The following DENND1A variants were observed in gnomAD, a reference collection of about 807,000 sequenced individuals.
DENND1A encodes DENN domain containing 1A.
A neutral mutation model predicts 113.7 loss-of-function variants in DENND1A; 51 were observed. The observed-to-expected ratio is 0.45, with a 90% CI of 0.36 to 0.57. The LOEUF (loss-of-function observed/expected upper bound fraction) is 0.57, where lower values mean the gene tolerates loss of function less well. Ranked by LOEUF, DENND1A falls within the 20% of genes least tolerant of loss-of-function variation. DENND1A has a pLI of 0.00. For synonymous variants in DENND1A, 565 were observed against 570.8 expected (o/e 0.99, Z 0.14); for missense variants, 1,258 against 1,395.9 (o/e 0.90, Z 1.57).
intron 18 of DENND1A, among the ~76,000 whole-genome samples, chr9:123,441,962 A>C (rs2132398224): frequency 6.6e-6 from 1 of 152,314 alleles, no homozygotes; most frequent in South Asian, 2.1e-4. Context: ...ATTATGCATT[A>C]AGGAAGAAAC....
At chr9:123,770,694 A>AT (rs1311015421) in intron 3 of DENND1A, among the ~76,000 whole-genome samples, 2 of 152,204 alleles carry the variant, frequency 1.3e-5, no homozygotes, top group African/African-American at 4.8e-5. Context: ...TGAAGAACAC[A>AT]TTTTTCAGTC....
At chr9:123,385,481 C>A (rs2042515184) in intron 22 of DENND1A, among the ~76,000 whole-genome samples, 1 of 152,230 alleles carries the variant, frequency 6.6e-6, no homozygotes, top group Admixed American at 6.5e-5. Context: ...CCTCTTCTAA[C>A]CCCAAGTCTG....
intron 1 of DENND1A, among the ~76,000 whole-genome samples, chr9:123,899,286 C>T (rs1446481760): frequency 6.6e-6 from 1 of 152,174 alleles, no homozygotes; most frequent in African/African-American, 2.4e-5. Flanking sequence ...AATGCCAGTT[C>T]TCCCTCCTGA....
At chr9:123,685,437 C>T (rs2064749384) in intron 5 of DENND1A, among the ~76,000 whole-genome samples, 1 of 152,168 alleles carries the variant, frequency 6.6e-6, no homozygotes, top group African/African-American at 2.4e-5. Flanking sequence ...AATATATGTA[C>T]TGAATGAGTA....
chr9:123,577,420 T>C (rs2058688679), intron 12 of DENND1A, among the ~76,000 whole-genome samples: 1 of 152,222 alleles, frequency 6.6e-6, no homozygotes, highest in Non-Finnish European at 1.5e-5. Flanking sequence ...TACTTTAAAG[T>C]CTTTATCTGC....
intron 2 of DENND1A, among the ~76,000 whole-genome samples, chr9:123,842,787 CT>C (rs1842015781): frequency 6.6e-6 from 1 of 152,134 alleles, no homozygotes; most frequent in African/African-American, 2.4e-5. Context: ...CAGTATTATG[CT>C]GATACCAAAA....
At chr9:123,628,780 C>T (rs903774924) in intron 10 of DENND1A, among the ~76,000 whole-genome samples, 1 of 152,234 alleles carries the variant, frequency 6.6e-6, no homozygotes, top group African/African-American at 2.4e-5. Context: ...TGGGGTTCAG[C>T]CATTGATGAA....
intron 13 of DENND1A, among the ~76,000 whole-genome samples, chr9:123,464,311 T>C (rs2048762681): frequency 6.6e-6 from 1 of 152,164 alleles, no homozygotes; most frequent in Non-Finnish European, 1.5e-5. Context: ...TCTACTCACA[T>C]CAGCCAAAAG....
At chr9:123,776,113 A>G (rs1384694557) in intron 3 of DENND1A, among the ~76,000 whole-genome samples, 3 of 152,216 alleles carry the variant, frequency 2.0e-5, no homozygotes, top group African/African-American at 7.2e-5. Flanking sequence ...TTCTAATTGT[A>G]AAAGATAAAT....
chr9:123,487,307 G>C (rs2808394), intron 13 of DENND1A, among the ~76,000 whole-genome samples: 150,677 of 152,310 alleles, frequency 0.99, 74,554 homozygotes, highest in Middle Eastern at 1. Flanking sequence ...TCAAGGGAAG[G>C]CAAGCCAGGG....
chr9:123,601,684 T>C (rs2059941010), intron 11 of DENND1A, among the ~76,000 whole-genome samples: 1 of 152,240 alleles, frequency 6.6e-6, no homozygotes, highest in Non-Finnish European at 1.5e-5. Flanking sequence ...GGAAAATGAA[T>C]GTTTGGCATA....
At chr9:123,567,981 TA>T (rs138932254) in intron 12 of DENND1A, among the ~76,000 whole-genome samples, 1 of 152,182 alleles carries the variant, frequency 6.6e-6, no homozygotes, top group African/African-American at 2.4e-5. Flanking sequence ...AAAGCAAAAC[TA>T]AAACTATTCC....
chr9:123,687,197 A>C (rs148725210), intron 5 of DENND1A, among the ~76,000 whole-genome samples: 1 of 152,260 alleles, frequency 6.6e-6, no homozygotes, highest in East Asian at 1.9e-4. Flanking sequence ...ATGTTTTAGG[A>C]GGCAGAGTTT....
At chr9:123,878,896 T>C (rs1432179172) in intron 2 of DENND1A, 55 bp downstream of exon 2, 5 of 1,559,218 alleles carry the variant, frequency 3.2e-6, no homozygotes, top group Admixed American at 1.7e-5. Flanking sequence ...CTCACGTGCA[T>C]AGCTATCTCA....
At chr9:123,699,916 TC>T (rs953999364) in intron 5 of DENND1A, among the ~76,000 whole-genome samples, 6 of 152,184 alleles carry the variant, frequency 3.9e-5, no homozygotes, top group African/African-American at 1.4e-4. Context: ...CAGGCTGGTC[TC>T]AAACTCCCAA....
At chr9:123,843,586 C>A in intron 2 of DENND1A, 1 of 202,644 alleles carries the variant, frequency 4.9e-6, no homozygotes, top group East Asian at 1.5e-4. Context: ...TGGCCCATCT[C>A]CTATATGCTT....
chr9:123,460,121 G>C lies in DENND1A; in HGVS notation c.994-2224C>G, dbSNP rs528748915. On this transcript the variant is annotated intron_variant, in intron 13 of 23. Transcript: ENST00000394215. ...AAAATTAGCTCTGAGCTTCCTGGCT[G>C]CTGGAGCAAGAAGGAAAACAATGCA... Among the ~76,000 whole-genome samples the C allele has an allele frequency of 2.6e-5, 4 of 152,316 alleles. No homozygotes were observed. The East Asian group carries it at 7.7e-4, about 29-fold the overall frequency.
At chr9:123,725,863 G>A (rs1430051978) in intron 5 of DENND1A, among the ~76,000 whole-genome samples, 1 of 152,200 alleles carries the variant, frequency 6.6e-6, no homozygotes, top group Non-Finnish European at 1.5e-5. Flanking sequence ...TCTTCCTGAG[G>A]AAATACCTAC....
intron 9 of DENND1A, among the ~76,000 whole-genome samples, chr9:123,640,166 C>A (rs184659178): frequency 1.7e-3 from 265 of 152,286 alleles, no homozygotes; most frequent in African/African-American, 6.1e-3. Flanking sequence ...AGAGAAAGAT[C>A]AAAATGCAAA....
Sources: gnomAD v4.1 joint callset for allele counts (sites outside exome capture counted in the v4.1 genomes callset) on GRCh38, gnomAD v4.1.1 for gene constraint, MANE v1.5 for transcripts, NCBI Gene and HGNC (gene_info 2026-07-23, HGNC 2026-07-21) for gene names.